Variants in SLC20A2 observed in about 807,000 individuals in gnomAD.
SLC20A2 encodes the protein solute carrier family 20 member 2.
In SLC20A2, 30 loss-of-function variants were observed where a neutral mutation model predicts 61.0. That is an observed-to-expected ratio of 0.49 (90% confidence interval 0.37 to 0.67). The LOEUF is 0.67. Among genes scored for constraint, SLC20A2 ranks in the 30% least tolerant of loss-of-function variants. The pLI is 0.00. For missense variants in SLC20A2, 626 were observed against 866.4 expected (o/e 0.72, Z 3.48); for synonymous variants, 351 against 353.3 (o/e 0.99, Z 0.07).
At chr8:42,533,654 C>CTTTTTTTCTTTCTTTTTTTTTTTTTT (rs1253260874) in intron 1 of SLC20A2, among the ~76,000 whole-genome samples, 1 of 55,310 alleles carries the variant, frequency 1.8e-5, no homozygotes, top group Non-Finnish European at 3.3e-5. Context: ...ATCAACTGTT[C>CTTTTTTTCTTTCTTTTTTTTTTTTTT]TTTTTTTTTT....
intron 8 of SLC20A2, among the ~76,000 whole-genome samples, chr8:42,434,895 CGTGTGAGTGCGCATGTGAGTGTGT>C (rs1563449927): frequency 2.0e-5 from 3 of 151,682 alleles, no homozygotes; most frequent in Non-Finnish European, 4.4e-5. Context: ...TGTGAGTGTG[CGTGTGAGTGCGCATGTGAGTGTGT>C]GTGCGTGTGT....
intron 7 of SLC20A2, among the ~76,000 whole-genome samples, chr8:42,439,198 T>C (rs982595098): frequency 1.3e-5 from 2 of 152,196 alleles, no homozygotes; most frequent in Non-Finnish European, 2.9e-5. Context: ...AGACATACAG[T>C]GCGTGGCCCC....
chr8:42,450,951 A>G (rs554950247), intron 5 of SLC20A2, among the ~76,000 whole-genome samples: 12 of 152,312 alleles, frequency 7.9e-5, no homozygotes, highest in African/African-American at 1.9e-4. Context: ...GGCTTCCCCA[A>G]TCCAAGACTA....
rs187754181 is a variant in SLC20A2, at chr8:42,529,876, T to C, written c.-265+11945A>G. The stretch of plus-strand genomic sequence containing the variant: ...ACAAAATAATACTAATCATAAAATA[T>C]ACACTAAACTTATTTAAACCTTTTG... On this transcript the variant is annotated intron_variant, in intron 1 of 10. Transcript: ENST00000342228. 2.6e-5 allele frequency among the ~76,000 whole-genome samples: 4 copies of C among 152,364 alleles called. No individual in the cohort carries two copies. In the East Asian group the frequency reaches 7.7e-4, roughly 29 times the overall value.
intron 1 of SLC20A2, among the ~76,000 whole-genome samples, chr8:42,480,276 T>G (rs1183973893): frequency 1.3e-5 from 2 of 152,218 alleles, no homozygotes. Context: ...AAAGGTTAAT[T>G]GCACTTCTCT....
Position 42,476,084 on chromosome 8 carries a change from CTTTTTTTTTTTTTT to C in SLC20A2, c.-264-3444_-264-3431del, listed in dbSNP as rs11350697. ...GGTGAAGTAGCCGGGTTTACTGTGT[CTTTTTTTTTTTTTT>C]TTTTTTTTTTTTTTTTGACACGAAA... On this transcript the variant is annotated intron_variant, in intron 1 of 10. Transcript: ENST00000520262. 8.1e-4 allele frequency among the ~76,000 whole-genome samples: 34 copies of C among 42,104 alleles called. 1 individual carries two copies. Among genetic ancestry groups the C allele is most frequent in the South Asian group, 1.4e-3 (1 of 718 alleles). The allele number at this position is 42,104 out of a possible 152,430, so 27.6% of individuals were successfully genotyped here. A position where few individuals can be genotyped will look rare whatever the true frequency, so the allele number is the denominator to read the frequency against.
rs200363169 is a variant in SLC20A2 at position 42,444,757 on chromosome 8, C to T, written c.619G>A (p.Gly207Ser). The change falls in exon 6 of 11, where the codon GGC (glycine) becomes AGC (serine). Residue 207 changes from glycine (G) to serine (S), a missense_variant. By Grantham distance (56) the Gly-to-Ser change is moderately conservative (BLOSUM62 0). Transcript: ENST00000520262. ...ATGGCCCACATGGGGAGAACAAGGCCGAGCACTGGGAAGGAAAATGAGAAG... is the reference window on the plus strand; with the variant it reads ...ATGGCCCACATGGGGAGAACAAGGCTGAGCACTGGGAAGGAAAATGAGAAG... ...SIMYTGAPVL[G>S]LVLPMWAIAL... 68 of 1,613,042 alleles carry T rather than the reference C, an allele frequency of 4.2e-5. No individual in the cohort carries two copies. Among genetic ancestry groups the T allele is most frequent in the Admixed American group, 3.5e-4 (21 of 59,958 alleles).
intron 10 of SLC20A2, among the ~76,000 whole-genome samples, chr8:42,418,870 C>T (rs1048283599): frequency 1.3e-5 from 2 of 151,650 alleles, no homozygotes; most frequent in Non-Finnish European, 2.9e-5. Context: ...TGGTGGCAGG[C>T]GCCTGTAGTC....
intron 1 of SLC20A2, among the ~76,000 whole-genome samples, chr8:42,508,742 A>G (rs1021812582): frequency 2.0e-5 from 3 of 152,164 alleles, no homozygotes; most frequent in African/African-American, 4.8e-5. Context: ...CAGTAGCAGG[A>G]GTAGAAAGAA....
chr8:42,503,878 T>A (rs1810472525), upstream of SLC20A2, among the ~76,000 whole-genome samples: 1 of 152,230 alleles, frequency 6.6e-6, no homozygotes, highest in Admixed American at 6.5e-5. Context: ...AACTAAATAC[T>A]GGGCATATAG....
chr8:42,537,604 C>G (rs554537798), intron 1 of SLC20A2: 1 of 152,208 alleles, frequency 6.6e-6, no homozygotes, highest in South Asian at 2.1e-4. Context: ...GTCCTATGTC[C>G]TGGTGAATCA....
chr8:42,523,892 A>G (rs1811754557), intron 1 of SLC20A2, among the ~76,000 whole-genome samples: 1 of 152,200 alleles, frequency 6.6e-6, no homozygotes, highest in Admixed American at 6.5e-5. Flanking sequence ...TCTTCTTGTG[A>G]TATGTCCTTG....
chr8:42,530,128 T>C (rs1237347831), intron 1 of SLC20A2, among the ~76,000 whole-genome samples: 1 of 152,046 alleles, frequency 6.6e-6, no homozygotes, highest in Admixed American at 6.6e-5. Flanking sequence ...AAAGAATGAA[T>C]TTTTTCAGGT....
At chr8:42,458,608 GAA>G (rs1245776628) in intron 5 of SLC20A2, among the ~76,000 whole-genome samples, 18 of 64,206 alleles carry the variant, frequency 2.8e-4, no homozygotes, top group Admixed American at 7.2e-4. Flanking sequence ...GGGCAATAAA[GAA>G]AAAAAAAAAA....
chr8:42,516,197 C>T (rs186057538), intron 1 of SLC20A2, among the ~76,000 whole-genome samples: 12 of 152,222 alleles, frequency 7.9e-5, no homozygotes, highest in Non-Finnish European at 1.8e-4. Flanking sequence ...GAGTAACTTA[C>T]GCACTGCAGT....
In SLC20A2 at chr8:42,451,335, AAGGAGGAAGAGATGGAGG is replaced by A. The variant is rs574530901; in HGVS notation, c.614-6591_614-6574del. Among the ~76,000 whole-genome samples the A allele has an allele frequency of 7.4e-3, 1,026 of 138,982 alleles. 6 individuals carry two copies. The highest frequency in any genetic ancestry group is 0.012 in the Non-Finnish European group (763 of 64,220). 91.2% of individuals were successfully genotyped at this position (138,982 alleles called of 152,430 possible). On this transcript the variant is annotated intron_variant, in intron 5 of 10. Transcript: ENST00000520262. ...TAAGGAGGAGGAGGAAGAGATGGAG[AAGGAGGAAGAGATGGAGG>A]AGGAGGAAGAGATGGAAGAGGAAGA... is the stretch of plus-strand genomic sequence containing the variant.
At chr8:42,486,624 T>C (rs1425593116) in intron 1 of SLC20A2, among the ~76,000 whole-genome samples, 1 of 152,240 alleles carries the variant, frequency 6.6e-6, no homozygotes. Context: ...CACTTTAATA[T>C]GCCATCTGCT....
At chr8:42,507,432 T>C (rs1023723176) in intron 1 of SLC20A2, among the ~76,000 whole-genome samples, 1 of 152,200 alleles carries the variant, frequency 6.6e-6, no homozygotes, top group Non-Finnish European at 1.5e-5. Flanking sequence ...AAAACCTTGA[T>C]AAATAGCTAA....
At chr8:42,432,851 T>C (rs989789774) in intron 8 of SLC20A2, among the ~76,000 whole-genome samples, 13 of 152,368 alleles carry the variant, frequency 8.5e-5, no homozygotes, top group African/African-American at 2.9e-4. Context: ...ACGCATTTAA[T>C]AGACTATGGT....
Sources: gnomAD v4.1 joint callset for allele counts (sites outside exome capture counted in the v4.1 genomes callset) on GRCh38, gnomAD v4.1.1 for gene constraint, MANE v1.5 for transcripts, NCBI Gene and HGNC (gene_info 2026-07-23, HGNC 2026-07-21) for gene names.